The following PHF21A variants were observed in gnomAD, a reference collection of about 807,000 sequenced individuals.
The protein encoded by PHF21A is BHC80a.
PHF21A carries 11 observed loss-of-function variants against 82.5 expected under a neutral mutation model. That is an observed-to-expected ratio of 0.13 (90% CI 0.08 to 0.22). PHF21A has a LOEUF of 0.22. PHF21A is among the 10% of genes least tolerant of loss of function. The pLI is 1.00. For missense variants in PHF21A, 579 were observed against 837.8 expected (o/e 0.69, Z 3.81); for synonymous variants, 297 against 302.8 (o/e 0.98, Z 0.20).
chr11:46,004,455 A>G (rs2095242267), intron 6 of PHF21A, among the ~76,000 whole-genome samples: 1 of 152,206 alleles, frequency 6.6e-6, no homozygotes, highest in Admixed American at 6.5e-5. Context: ...GAAGGGGTAG[A>G]GGAGAGAAGG....
At position 45,953,620 on chromosome 11, in the gene PHF21A, A is replaced by G. The variant is rs1319324918; in HGVS notation, c.1002T>C (p.Val334=). 6.2e-7 allele frequency: 1 copy of G among 1,606,992 alleles called. No homozygotes were observed. The highest frequency in any genetic ancestry group is 8.5e-7 in the Non-Finnish European group (1 of 1,173,748). The change falls in exon 11 of 19, where the codon GTT becomes GTC. Residue 334 remains valine (V), a synonymous_variant. Coordinates refer to ENST00000676320, the MANE Select transcript of PHF21A (RefSeq NM_001352027.3). The part of the protein sequence containing the change: ...LSKPSLEKQT[V]KSHTETDEKQ... ...TCTCATCTGTTTCTGTGTGAGATTT[A>G]ACTGTCTAGGAGAGAAAAATTAAAT...
chr11:45,957,479 G>A (rs979029757), intron 10 of PHF21A, among the ~76,000 whole-genome samples: 2 of 151,936 alleles, frequency 1.3e-5, no homozygotes, highest in African/African-American at 2.4e-5. Context: ...AATGACAGCA[G>A]AAAAACTAGA....
At chr11:45,985,118 C>T (rs1233700566) in intron 6 of PHF21A, among the ~76,000 whole-genome samples, 1 of 152,122 alleles carries the variant, frequency 6.6e-6, no homozygotes, top group East Asian at 1.9e-4. Flanking sequence ...GAAAAACTAA[C>T]CTGGAGAAAT....
intron 6 of PHF21A, among the ~76,000 whole-genome samples, chr11:46,002,897 A>G (rs1478915693): frequency 2.0e-5 from 3 of 152,330 alleles, no homozygotes; most frequent in South Asian, 2.1e-4. Context: ...AACATTAAGT[A>G]GATCATTGAT....
rs747767765 is a variant in PHF21A, at chr11:46,076,032, G to A, written c.153+722C>T. Among the ~76,000 whole-genome samples the A allele has an allele frequency of 1.1e-3, 167 of 152,286 alleles. 1 individual carries two copies. The highest frequency in any genetic ancestry group is 1.9e-3 in the Non-Finnish European group (126 of 68,018). ...TTCTAACCAGAGGGAGAGTGGTGGG[G>A]AAGAAACAAGAAAACAAATGCTTTG... On this transcript the variant is annotated intron_variant, in intron 6 of 18. Transcript: ENST00000676320.
Position 45,936,579 on chromosome 11 carries a change from T to C in PHF21A, c.1609-10A>G. The C allele has an allele frequency of 1.3e-6, 2 of 1,594,212 alleles. No individual in the cohort carries two copies. Among genetic ancestry groups the C allele is most frequent in the Non-Finnish European group, 1.7e-6 (2 of 1,162,100 alleles). On this transcript the variant is annotated splice_polypyrimidine_tract_variant and intron_variant, in intron 16 of 18. Coordinates refer to ENST00000676320, the MANE Select transcript of PHF21A (RefSeq NM_001352027.3). The stretch of plus-strand genomic sequence containing the variant: ...CTTCCTTCTTCAGCATCTGAAAAGA[T>C]TTTTAGAATTTTACCTTGAGAAGGA...
intron 15 of PHF21A, 25 bp downstream of exon 15, chr11:45,945,815 A>T (rs2091205797): frequency 1.3e-6 from 2 of 1,547,930 alleles, no homozygotes; most frequent in Non-Finnish European, 8.7e-7. Flanking sequence ...TCAGAAAGAC[A>T]GTGTGCTTTT....
At chr11:46,049,249 C>T (rs985618767) in intron 6 of PHF21A, among the ~76,000 whole-genome samples, 1 of 152,200 alleles carries the variant, frequency 6.6e-6, no homozygotes, top group African/African-American at 2.4e-5. Context: ...CAGAGCCAGG[C>T]TTTAAAAAGT....
At chr11:45,967,552 A>T (rs768952694) in intron 9 of PHF21A, among the ~76,000 whole-genome samples, 15 of 152,196 alleles carry the variant, frequency 9.9e-5, no homozygotes, top group Non-Finnish European at 2.1e-4. Context: ...TAAGGCTTCT[A>T]TGCCAAGGTG....
intron 16 of PHF21A, among the ~76,000 whole-genome samples, chr11:45,937,929 A>T (rs1205522182): frequency 3.3e-5 from 5 of 152,258 alleles, no homozygotes; most frequent in Non-Finnish European, 5.9e-5. Context: ...AGAGAAGACA[A>T]GTCATTTCAA....
chr11:45,964,715 G>A (rs1199187103), intron 10 of PHF21A, among the ~76,000 whole-genome samples: 1 of 152,096 alleles, frequency 6.6e-6, no homozygotes, highest in East Asian at 1.9e-4. Flanking sequence ...ATTTTTGCAG[G>A]TTACTTGTAT....
chr11:46,016,249 T>C (rs1464282772), intron 6 of PHF21A, among the ~76,000 whole-genome samples: 1 of 152,232 alleles, frequency 6.6e-6, no homozygotes, highest in Admixed American at 6.5e-5. Flanking sequence ...CTTTTGCTAG[T>C]AGAACAATCT....
At chr11:46,076,869 A>G (rs1195726081) in intron 5 of PHF21A, 50 bp from the exon 6 acceptor site, 8 of 1,434,612 alleles carry the variant, frequency 5.6e-6, no homozygotes, top group South Asian at 1.1e-5. Flanking sequence ...ATTTGTTAAC[A>G]GAATAGTAGC....
At chr11:46,027,743 GA>G (rs2095780426) in intron 6 of PHF21A, among the ~76,000 whole-genome samples, 1 of 152,170 alleles carries the variant, frequency 6.6e-6, no homozygotes, top group Non-Finnish European at 1.5e-5. Context: ...ACTGTCCCAG[GA>G]ATCAGTATTC....
chr11:45,956,719 G>GA (rs1469096265), intron 10 of PHF21A, among the ~76,000 whole-genome samples: 1 of 151,534 alleles, frequency 6.6e-6, no homozygotes, highest in Non-Finnish European at 1.5e-5. Context: ...GACACACTAA[G>GA]AAAAAAATCA....
At chr11:45,938,403 A>G in intron 15 of PHF21A, 91 bp from the exon 16 acceptor site, 1 of 1,026,076 alleles carries the variant, frequency 9.7e-7, no homozygotes. Flanking sequence ...TAAATGTTTT[A>G]GGACAATCAG....
rs57081937 is a variant in PHF21A at position 45,971,890 on chromosome 11, C to CTTTCTTTTTT, written c.361-524_361-523insAAAAAAGAAA. 2.4e-3 allele frequency among the ~76,000 whole-genome samples: 120 copies of CTTTCTTTTTT among 50,300 alleles called. 21 individuals carry two copies. The highest frequency in any genetic ancestry group is 5.9e-3 in the African/African-American group (93 of 15,892). 33.0% of individuals were successfully genotyped at this position (50,300 alleles called of 152,430 possible). Reference sequence around the variant, plus strand: ...GTAAAAGGACAGTGTCTTTTTCTTTCTTTTTTTTTTTTTTTATGGTGTCAC... The same window carrying CTTTCTTTTTT: ...GTAAAAGGACAGTGTCTTTTTCTTTCTTTCTTTTTTTTTTTTTTTTTTTTTATGGTGTCAC... On this transcript the variant is annotated intron_variant, in intron 7 of 18. Transcript: ENST00000676320.
At chr11:45,957,751 C>CAAAAAAAAAAAAAAAAAAAAAAAAA in intron 10 of PHF21A, among the ~76,000 whole-genome samples, 14 of 60,888 alleles carry the variant, frequency 2.3e-4, no homozygotes, top group East Asian at 8.7e-4. Context: ...AAATTCAAAG[C>CAAAAAAAAAAAAAAAAAAAAAAAAA]AAAAAAAAAA....
intron 14 of PHF21A, among the ~76,000 whole-genome samples, chr11:45,947,258 C>T (rs529973700): frequency 6.6e-6 from 1 of 152,144 alleles, no homozygotes; most frequent in South Asian, 2.1e-4. Flanking sequence ...CTTCTAGGGG[C>T]AAGGTCATTG....
Sources: allele counts gnomAD v4.1 joint callset (sites outside exome capture counted in the v4.1 genomes callset), GRCh38; gene constraint gnomAD v4.1.1; transcripts MANE v1.5; gene names NCBI Gene and HGNC (gene_info 2026-07-23, HGNC 2026-07-21).